BRI3: variants seen among roughly 807,000 people sequenced by gnomAD.
The protein encoded by BRI3 is membrane protein BRI3.
In BRI3, 6 loss-of-function variants were observed where a neutral mutation model predicts 12.8. The ratio of observed to expected loss-of-function variants is 0.47; its 90% CI spans 0.26 to 0.93. BRI3 has a LOEUF of 0.93. Ranked by LOEUF, BRI3 falls within the 40% of genes least tolerant of loss-of-function variation. The pLI is 0.15. For missense variants in BRI3, 134 were observed against 171.1 expected, an observed-to-expected ratio of 0.78 and a Z score of 1.21; for synonymous variants, 91 against 76.1, an observed-to-expected ratio of 1.20 and a Z score of -1.02.
At chr7:98,308,041 G>T in exon 2 of BRI3, 1 of 806,784 alleles carries the variant, frequency 1.2e-6, no homozygotes, top group Non-Finnish European at 2.1e-6. Flanking sequence ...CTATTTCCTC[G>T]CTTTGATCAT....
upstream of BRI3, among the ~76,000 whole-genome samples, chr7:98,303,636 T>A (rs1366486614): frequency 1.3e-5 from 2 of 152,172 alleles, no homozygotes; most frequent in Admixed American, 6.5e-5. Flanking sequence ...CTCTGTGCGG[T>A]GGCGGGAATG....
At chr7:98,302,178 C>T (rs183974113), upstream of BRI3, among the ~76,000 whole-genome samples, 2 of 152,348 alleles carry the variant, frequency 1.3e-5, no homozygotes, top group East Asian at 3.9e-4. Context: ...TACAACCAGG[C>T]TTCTTCCATT....
chr7:98,290,719 G>A (rs1030842116), intron 2 of BRI3, among the ~76,000 whole-genome samples: 15 of 149,622 alleles, frequency 1.0e-4, no homozygotes, highest in Admixed American at 4.0e-4. Context: ...GGCTGGTCTT[G>A]AACTCCTGAA....
the BRI3 span, chr7:98,315,662 G>A: frequency 4.2e-6 from 4 of 948,084 alleles, no homozygotes; most frequent in Non-Finnish European, 5.5e-6. Context: ...CATGACATGA[G>A]CATCAGATAG....
At chr7:98,282,575 G>A in intron 2 of BRI3, 122 bp downstream of exon 2, 7 of 775,832 alleles carry the variant, frequency 9.0e-6, no homozygotes, top group Non-Finnish European at 1.5e-5. Flanking sequence ...CTTGACCAGA[G>A]CCCTTTATGG....
At position 98,291,212 on chromosome 7, in the gene BRI3, G is replaced by A. The variant is rs772300526; in HGVS notation, c.347G>A (p.Arg116Gln). The A allele has an allele frequency of 9.3e-6, 15 of 1,613,462 alleles. No individual in the cohort carries two copies. Among genetic ancestry groups the A allele is most frequent in the Admixed American group, 5.0e-5 (3 of 60,006 alleles). The stretch of plus-strand genomic sequence containing the variant: ...TGCTGTTTTGCCTTGAGGAAGCGAC[G>A]ATGCCCCAACTGTGGAGCCACCTTC... ...FICCFALRKR[R>Q]CPNCGATFA is the part of the protein sequence containing the mutation. The change falls in exon 3 of 3, where the codon CGA becomes CAA. Residue 116 changes from arginine (R) to glutamine (Q), a missense_variant. By Grantham distance (43) the Arg-to-Gln change is conservative. Coordinates refer to ENST00000297290, the MANE Select transcript of BRI3 (RefSeq NM_015379.5).
intron 2 of BRI3, chr7:98,282,739 A>G (rs1448480108): frequency 5.2e-6 from 2 of 383,324 alleles, no homozygotes; most frequent in African/African-American, 4.1e-5. Flanking sequence ...AAATGGTAAC[A>G]ACGGGACTCG....
chr7:98,312,092 C>T, downstream of BRI3: 1 of 1,588,344 alleles, frequency 6.3e-7, no homozygotes, highest in Non-Finnish European at 8.6e-7. Context: ...AAAACTGGCT[C>T]CTACCACATT....
chr7:98,317,086 C>T, the BRI3 span: 2 of 1,136,548 alleles, frequency 1.8e-6, no homozygotes, highest in Admixed American at 2.0e-5. Context: ...CTCCTGACCT[C>T]ATATGATCCT....
chr7:98,318,994 G>A, the BRI3 span, among the ~76,000 whole-genome samples: 1 of 151,776 alleles, frequency 6.6e-6, no homozygotes. Flanking sequence ...GTTTCTGAAG[G>A]CATAGCAATT....
In BRI3 at chr7:98,282,749, G is replaced by A. The variant is rs557707383; in HGVS notation, c.245+296G>A. 2.0e-5 allele frequency: 7 copies of A among 351,686 alleles called. No individual in the cohort carries two copies. The South Asian group carries it at 2.1e-4, about 11-fold the overall frequency. 21.8% of individuals were successfully genotyped at this position (351,686 alleles called of 1,614,324 possible). ...TGTAGAAATGGTAACAACGGGACTC[G>A]TGGTCCTTTCGTCTTTGTTCTGGGA... is the stretch of plus-strand genomic sequence containing the variant. On this transcript the variant is annotated intron_variant, in intron 2 of 2. Coordinates refer to ENST00000297290, the MANE Select transcript of BRI3 (RefSeq NM_015379.5).
At chr7:98,293,573 A>C, downstream of BRI3, 3 of 1,613,780 alleles carry the variant, frequency 1.9e-6, no homozygotes, top group Non-Finnish European at 2.5e-6. Context: ...GCGGAGTTTC[A>C]CAGTGGCAAA....
downstream of BRI3, chr7:98,293,692 G>A (rs1015684116): frequency 3.2e-6 from 4 of 1,250,218 alleles, no homozygotes; most frequent in Non-Finnish European, 4.7e-6. Context: ...TGTGAGACTG[G>A]GCGGCTGACC....
downstream of BRI3, chr7:98,291,656 C>T (rs1436684540): frequency 7.0e-5 from 26 of 369,690 alleles, no homozygotes; most frequent in Admixed American, 1.2e-3. Flanking sequence ...AAAATGTTTT[C>T]AAGTTCTGCT....
At chr7:98,321,249 G>A in the BRI3 span, among the ~76,000 whole-genome samples, 4 of 152,060 alleles carry the variant, frequency 2.6e-5, no homozygotes, top group Admixed American at 1.3e-4. Context: ...TGATTACTTC[G>A]GTCATCACAG....
chr7:98,320,626 C>T, the BRI3 span, among the ~76,000 whole-genome samples: 5 of 151,768 alleles, frequency 3.3e-5, no homozygotes, highest in Admixed American at 6.6e-5. Flanking sequence ...TGAGCCGCCG[C>T]GCCAGGCCCA....
At position 98,291,389 on chromosome 7, in the gene BRI3, G is replaced by A. The variant is rs1198539436; in HGVS notation, c.*146G>A. 2.9e-5 allele frequency: 43 copies of A among 1,469,066 alleles called. No individual in the cohort carries two copies. The highest frequency in any genetic ancestry group is 7.1e-5 in the African/African-American group (5 of 70,516). 91.0% of individuals were successfully genotyped at this position (1,469,066 alleles called of 1,614,324 possible). A position where few individuals can be genotyped will look rare whatever the true frequency, so the allele number is the denominator to read the frequency against. Reference sequence around the variant, plus strand: ...TGGCACACGCCAGCTGCGGTTTCCCGGAGCGTGGAGAGGCAGTGCTGCTGC... The same window carrying A: ...TGGCACACGCCAGCTGCGGTTTCCCAGAGCGTGGAGAGGCAGTGCTGCTGC... On this transcript the variant is annotated 3_prime_UTR_variant, in exon 3 of 3. Coordinates refer to ENST00000297290, the MANE Select transcript of BRI3 (RefSeq NM_015379.5).
chr7:98,299,997 T>C (rs779137210), intron 1 of BRI3, among the ~76,000 whole-genome samples: 8 of 152,130 alleles, frequency 5.3e-5, no homozygotes, highest in Non-Finnish European at 1.2e-4. Context: ...ACCAAGATCA[T>C]GCCACTGCAC....
At chr7:98,301,190 G>A (rs1252966931) in intron 1 of BRI3, among the ~76,000 whole-genome samples, 3 of 152,128 alleles carry the variant, frequency 2.0e-5, no homozygotes, top group South Asian at 2.1e-4. Flanking sequence ...AGAGGTCTGC[G>A]GCCCAGGAAA....
Sources: allele counts gnomAD v4.1 joint callset (sites outside exome capture counted in the v4.1 genomes callset), GRCh38; gene constraint gnomAD v4.1.1; transcripts MANE v1.5; gene names NCBI Gene and HGNC (gene_info 2026-07-23, HGNC 2026-07-21).